COG2: variants seen among roughly 807,000 people sequenced by gnomAD.
COG2 encodes conserved oligomeric Golgi complex subunit 2.
A neutral mutation model predicts 90.6 loss-of-function variants in COG2; 52 were observed. The ratio of observed to expected loss-of-function variants is 0.57; its 90% CI spans 0.46 to 0.72. The LOEUF is 0.72. COG2 is among the 30% of genes least tolerant of loss of function. The probability of loss-of-function intolerance (pLI) is 0.00; values close to 1 mark genes in which losing one functional copy is unlikely to be tolerated. For missense variants in COG2, 829 were observed against 891.2 expected (o/e 0.93, Z 0.89); for synonymous variants, 337 against 320.4 (o/e 1.05, Z -0.55).
intron 9 of COG2, among the ~76,000 whole-genome samples, chr1:230,676,194 G>A (rs1249771497): frequency 6.6e-6 from 1 of 152,054 alleles, no homozygotes; most frequent in African/African-American, 2.4e-5. Context: ...AACTGTCAAT[G>A]CATTTGACTC....
chr1:230,643,327 T>G (rs12564388), intron 1 of COG2, among the ~76,000 whole-genome samples: 25,088 of 152,216 alleles, frequency 0.16, 2,703 homozygotes, highest in Admixed American at 0.22. Flanking sequence ...GATGATAAAG[T>G]TCATCAGGCA....
At chr1:230,658,385 C>G (rs1180699924) in intron 1 of COG2, among the ~76,000 whole-genome samples, 2 of 152,148 alleles carry the variant, frequency 1.3e-5, no homozygotes, top group Non-Finnish European at 2.9e-5. Context: ...GTGGAGGCTG[C>G]AGAACAGCAA....
chr1:230,688,175 G>T, intron 14 of COG2, 32 bp downstream of exon 14: 2 of 1,436,798 alleles, frequency 1.4e-6, no homozygotes, highest in South Asian at 2.5e-5. Flanking sequence ...GCAAATCTTT[G>T]AATAAGAAAT....
intron 1 of COG2, among the ~76,000 whole-genome samples, chr1:230,656,078 T>A (rs1662040191): frequency 6.6e-6 from 1 of 152,216 alleles, no homozygotes; most frequent in Admixed American, 6.5e-5. Flanking sequence ...ATTGATTTTT[T>A]TGAAGGGTTT....
intron 11 of COG2, 29 bp from the exon 12 acceptor site, chr1:230,685,056 A>G: frequency 6.2e-7 from 1 of 1,612,300 alleles, no homozygotes; most frequent in Non-Finnish European, 8.5e-7. Flanking sequence ...AAATTCCTTA[A>G]ATGTGTGTTG....
At chr1:230,669,305 G>C in intron 6 of COG2, 51 bp from the exon 7 acceptor site, 1 of 1,536,576 alleles carries the variant, frequency 6.5e-7, no homozygotes, top group Non-Finnish European at 8.8e-7. Flanking sequence ...TGCAGTTTCA[G>C]AAACTGTTAC....
In COG2 at chr1:230,687,069, G is replaced by A; in HGVS notation, c.1515G>A (p.Val505=). 1 of 1,613,458 alleles carries A rather than the reference G, an allele frequency of 6.2e-7. No homozygotes were observed. Among genetic ancestry groups the A allele is most frequent in the Non-Finnish European group, 8.5e-7 (1 of 1,179,626 alleles). Residue 505 remains valine (V), a synonymous_variant, in exon 13 of 18, where the codon GTG becomes GTA. Transcript: ENST00000366669. ...GTGGTCCTTCGGAAACAAAGCCTGTGGTTTCCATTTCCCGCACTCAGCTCG... is the reference window on the plus strand; with the variant it reads ...GTGGTCCTTCGGAAACAAAGCCTGTAGTTTCCATTTCCCGCACTCAGCTCG... ...QGSGPSETKP[V]VSISRTQLVY...
In COG2 at chr1:230,671,626, A is replaced by T. The variant is rs1558274434; in HGVS notation, c.885A>T (p.Gly295=). The change falls in exon 8 of 18, where the codon GGA becomes GGT. Residue 295 remains glycine, a synonymous_variant. Coordinates refer to ENST00000366669, the MANE Select transcript of COG2 (RefSeq NM_007357.3). ...GCCGCCTTCTTCGAGAAGTCACAGG[A>T]GGTGCCATCTCCAGGTAATTTAAAC... ...HHCRLLREVT[G]GAISSEKGNT... 6.2e-7 allele frequency: 1 copy of T among 1,613,626 alleles called. No individual in the cohort carries two copies. The highest frequency in any genetic ancestry group is 8.5e-7 in the Non-Finnish European group (1 of 1,179,706).
intron 3 of COG2, among the ~76,000 whole-genome samples, chr1:230,661,737 G>A (rs1662183920): frequency 6.6e-6 from 1 of 152,088 alleles, no homozygotes; most frequent in Admixed American, 6.5e-5. Context: ...CCATAAGAAT[G>A]GCAGGCAAGA....
intron 9 of COG2, 61 bp downstream of exon 9, chr1:230,675,185 A>C (rs1662559551): frequency 6.4e-7 from 1 of 1,557,398 alleles, no homozygotes. Flanking sequence ...GAGAAATATC[A>C]TGTTCTCTTC....
At chr1:230,690,531 G>T (rs763961679) in intron 16 of COG2, among the ~76,000 whole-genome samples, 29 of 152,178 alleles carry the variant, frequency 1.9e-4, no homozygotes, top group Non-Finnish European at 3.1e-4. Flanking sequence ...GATACTCAAA[G>T]GACTTAGGTT....
chr1:230,678,860 C>G, intron 9 of COG2, 53 bp from the exon 10 acceptor site: 2 of 1,593,948 alleles, frequency 1.3e-6, no homozygotes, highest in Non-Finnish European at 1.7e-6. Context: ...GTACATGCTC[C>G]CTGTTCTAGT....
chr1:230,680,776 G>T (rs1215121863), intron 10 of COG2: 1 of 152,114 alleles, frequency 6.6e-6, no homozygotes, highest in Non-Finnish European at 1.5e-5. Flanking sequence ...ATTCCATTAA[G>T]ACTTTGTAGA....
intron 8 of COG2, among the ~76,000 whole-genome samples, chr1:230,672,337 G>C (rs1231326887): frequency 6.6e-6 from 1 of 152,162 alleles, no homozygotes; most frequent in African/African-American, 2.4e-5. Context: ...GTTCTTGCCT[G>C]GTAGCTCTCC....
At chr1:230,642,745 G>T (rs4846864) in intron 1 of COG2, 67 bp downstream of exon 1, 6 of 1,490,062 alleles carry the variant, frequency 4.0e-6, no homozygotes, top group South Asian at 1.2e-5. Context: ...CCTCTGTGGC[G>T]GTCTCTTCGG....
In COG2 at chr1:230,683,612, C is replaced by A. The variant is rs1171933226; in HGVS notation, c.1205C>A (p.Thr402Lys). The A allele has an allele frequency of 6.2e-7, 1 of 1,612,292 alleles. No individual in the cohort carries two copies. The highest frequency in any genetic ancestry group is 2.2e-5 in the East Asian group (1 of 44,860). The change falls in exon 11 of 18, where the codon ACA becomes AAA. Residue 402 changes from threonine (T) to lysine (K), a missense_variant. Transcript: ENST00000366669. Reference sequence around the variant, plus strand: ...GCGGGATCCTTAGAAGCAGCACTTACAGATGTCCTGGAAGATGCCCCAGGT... The same window carrying A: ...GCGGGATCCTTAGAAGCAGCACTTAAAGATGTCCTGGAAGATGCCCCAGGT... ...EIAGSLEAAL[T>K]DVLEDAPAES...
chr1:230,675,813 T>C (rs1331110185), intron 9 of COG2, among the ~76,000 whole-genome samples: 1 of 151,936 alleles, frequency 6.6e-6, no homozygotes, highest in Non-Finnish European at 1.5e-5. Context: ...GCCTGGTCAA[T>C]TTTTCTTTTC....
At chr1:230,652,399 A>G (rs1480349409) in intron 1 of COG2, among the ~76,000 whole-genome samples, 3 of 152,074 alleles carry the variant, frequency 2.0e-5, no homozygotes, top group Non-Finnish European at 4.4e-5. Context: ...ATCTCTTTTT[A>G]TTGCTGAGTA....
chr1:230,643,589 G>GTTTTCTAT (rs11281303), intron 1 of COG2, among the ~76,000 whole-genome samples: 107,014 of 151,460 alleles, frequency 0.71, 38,187 homozygotes, highest in East Asian at 0.95. Flanking sequence ...GTGACATAAT[G>GTTTTCTAT]TTTTCTAGAT....
Sources: allele counts gnomAD v4.1 joint callset (sites outside exome capture counted in the v4.1 genomes callset), GRCh38; gene constraint gnomAD v4.1.1; transcripts MANE v1.5; gene names NCBI Gene and HGNC (gene_info 2026-07-23, HGNC 2026-07-21).